The following CABIN1 variants were observed in gnomAD, a reference collection of about 807,000 sequenced individuals.
The protein encoded by CABIN1 is calcineurin-binding protein cabin-1.
CABIN1 carries 133 observed loss-of-function variants against 227.7 expected under a neutral mutation model. The ratio of observed to expected loss-of-function variants is 0.58; its 90% confidence interval spans 0.51 to 0.67. The LOEUF (loss-of-function observed/expected upper bound fraction) is 0.67, where lower values mean the gene tolerates loss of function less well. CABIN1 is among the 30% of genes least tolerant of loss of function. The probability of loss-of-function intolerance (pLI) is 0.00; values close to 1 mark genes in which losing one functional copy is unlikely to be tolerated. For missense variants in CABIN1, 2,408 were observed against 2,852.5 expected (o/e 0.84, Z 3.55); for synonymous variants, 1,086 against 1,155.1 (o/e 0.94, Z 1.21).
intron 6 of CABIN1, among the ~76,000 whole-genome samples, chr22:24,044,211 C>T (rs1210285842): frequency 2.6e-5 from 4 of 152,192 alleles, no homozygotes; most frequent in African/African-American, 9.7e-5. Flanking sequence ...TAGCCCTAGC[C>T]TCTTGGTCTG....
In CABIN1 at chr22:24,043,548, T is replaced by C. The variant is rs182158267; in HGVS notation, c.526+464T>C. On this transcript the variant is annotated intron_variant, in intron 6 of 36. Coordinates refer to ENST00000263119, the MANE Select transcript of CABIN1 (RefSeq NM_012295.4). ...AGGCAGATCACTTGAGCCCAGGAGTTTGAGACCAGCCTGGGCAACATGGTG... is the reference window on the plus strand; with the variant it reads ...AGGCAGATCACTTGAGCCCAGGAGTCTGAGACCAGCCTGGGCAACATGGTG... Among the ~76,000 whole-genome samples, 257 of 152,142 alleles carry C rather than the reference T, an allele frequency of 1.7e-3. 1 individual carries two copies. Among genetic ancestry groups the C allele is most frequent in the Middle Eastern group, 3.4e-3 (1 of 294 alleles).
At chr22:24,028,492 G>A (rs562666181) in intron 1 of CABIN1, among the ~76,000 whole-genome samples, 1 of 152,322 alleles carries the variant, frequency 6.6e-6, no homozygotes, top group East Asian at 1.9e-4. Flanking sequence ...TCCTTCAAAG[G>A]TCATCCTGTG....
rs779525802 is a variant in CABIN1 at position 24,143,940 on chromosome 22, C to T, written c.4746+9525C>T. Among the ~76,000 whole-genome samples, 6 of 152,310 alleles carry T rather than the reference C, an allele frequency of 3.9e-5. No individual in the cohort carries two copies. The South Asian group carries it at 1.2e-3, about 32-fold the overall frequency. Reference sequence around the variant, plus strand: ...AAAGGGGCTCAGGTCAGTGCCACTCCCCAACTGGTTGGCTGCTCTGGGTGC... The same window carrying T: ...AAAGGGGCTCAGGTCAGTGCCACTCTCCAACTGGTTGGCTGCTCTGGGTGC... On this transcript the variant is annotated intron_variant, in intron 29 of 36. Transcript: ENST00000263119.
chr22:24,124,174 A>G (rs2043582373), intron 28 of CABIN1, among the ~76,000 whole-genome samples: 1 of 152,218 alleles, frequency 6.6e-6, no homozygotes, highest in African/African-American at 2.4e-5. Context: ...TCTTTCCTCG[A>G]TGAGAATGAT....
At chr22:24,032,651 A>G (rs775807773) in intron 1 of CABIN1, among the ~76,000 whole-genome samples, 1 of 151,982 alleles carries the variant, frequency 6.6e-6, no homozygotes, top group Non-Finnish European at 1.5e-5. Context: ...AATACTTGTT[A>G]TTTTCTGGCT....
At chr22:24,138,456 G>A (rs1466465323) in intron 29 of CABIN1, among the ~76,000 whole-genome samples, 1 of 152,172 alleles carries the variant, frequency 6.6e-6, no homozygotes, top group Non-Finnish European at 1.5e-5. Context: ...GATCCCACAG[G>A]TTGAGGGCTT....
intron 12 of CABIN1, among the ~76,000 whole-genome samples, chr22:24,060,710 C>T (rs1482779156): frequency 6.6e-6 from 1 of 151,920 alleles, no homozygotes; most frequent in Non-Finnish European, 1.5e-5. Context: ...CTCCTGGGCT[C>T]GGGTAGTCCT....
intron 29 of CABIN1, among the ~76,000 whole-genome samples, chr22:24,161,891 C>T (rs575453407): frequency 6.6e-6 from 1 of 152,352 alleles, no homozygotes; most frequent in Non-Finnish European, 1.5e-5. Flanking sequence ...AGGAGACCCT[C>T]CTCAGCACCT....
rs2046967918 is a variant in CABIN1, at chr22:24,173,878, A to T, written c.6040+1883A>T. ...GTTCTACCAGCATGTGACCTTGGCC[A>T]TCCCTTTTCTTCTTTCTGCCTCAGT... On this transcript the variant is annotated intron_variant, in intron 34 of 36. Coordinates refer to ENST00000263119, the MANE Select transcript of CABIN1 (RefSeq NM_012295.4). 1.3e-5 allele frequency among the ~76,000 whole-genome samples: 2 copies of T among 151,952 alleles called. 1 individual carries two copies. The highest frequency in any genetic ancestry group is 4.1e-4 in the South Asian group (2 of 4,826).
At chr22:24,178,004 G>A (rs1186905701) in intron 36 of CABIN1, 49 bp from the exon 37 acceptor site, 2 of 1,610,162 alleles carry the variant, frequency 1.2e-6, no homozygotes, top group African/African-American at 1.3e-5. Context: ...GGGGCTTGGG[G>A]CAGAGCCCAG....
At position 24,076,181 on chromosome 22, in the gene CABIN1, C is replaced by A. The variant is rs41310246; in HGVS notation, c.2645C>A (p.Thr882Lys). 1 of 1,614,022 alleles carries A rather than the reference C, an allele frequency of 6.2e-7. No individual in the cohort carries two copies. Among genetic ancestry groups the A allele is most frequent in the Non-Finnish European group, 8.5e-7 (1 of 1,179,868 alleles). Residue 882 changes from threonine (T) to lysine (K), a missense_variant, in exon 19 of 37, where the codon ACG (threonine) becomes AAG (lysine). By Grantham distance (78) the Thr-to-Lys change is moderately conservative. Transcript: ENST00000263119. Reference protein sequence around the residue: ...QNPAEEGMSETPMLPSSLMLL... With the variant: ...QNPAEEGMSEKPMLPSSLMLL... ...GGGCTTTCCCTAGGGATGTCAGAGACGCCCATGCTCCCATCCTCCCTCATG... is the reference window on the plus strand; with the variant it reads ...GGGCTTTCCCTAGGGATGTCAGAGAAGCCCATGCTCCCATCCTCCCTCATG...
At chr22:24,029,463 G>T (rs1352697324) in intron 1 of CABIN1, among the ~76,000 whole-genome samples, 3 of 152,132 alleles carry the variant, frequency 2.0e-5, no homozygotes, top group Non-Finnish European at 4.4e-5. Context: ...GAGATGGGAA[G>T]ATTGCCTGAG....
chr22:24,032,360 T>C (rs1221397350), intron 1 of CABIN1, among the ~76,000 whole-genome samples: 3 of 152,268 alleles, frequency 2.0e-5, no homozygotes, highest in Non-Finnish European at 4.4e-5. Context: ...GTTGTATGTA[T>C]ACACCACATT....
rs746555282 is a variant in CABIN1, at chr22:24,113,605, C to G, written c.4157C>G (p.Ser1386Cys). 1.2e-6 allele frequency: 2 copies of G among 1,614,198 alleles called. No individual in the cohort carries two copies. The highest frequency in any genetic ancestry group is 1.7e-6 in the Non-Finnish European group (2 of 1,180,044). The change falls in exon 27 of 37, where the codon TCT becomes TGT. Residue 1386 changes from serine (S) to cysteine (C), a missense_variant. Physicochemically the swap from Ser to Cys is moderately radical, Grantham distance 112. Coordinates refer to ENST00000263119, the MANE Select transcript of CABIN1 (RefSeq NM_012295.4). ...AGCACAGCCGTAGCACTCTCAGACT[C>G]TAGCTCAACGCAGGACTTCTTTAAT... ...QDSTAVALSD[S>C]SSTQDFFNEP...
intron 10 of CABIN1, among the ~76,000 whole-genome samples, chr22:24,058,727 A>G (rs777626950): frequency 8.5e-5 from 13 of 152,146 alleles, no homozygotes; most frequent in Non-Finnish European, 1.8e-4. Context: ...GCATCTTTGT[A>G]TTGCAAGCCC....
chr22:24,152,945 A>AG (rs1394274557), intron 29 of CABIN1, among the ~76,000 whole-genome samples: 3 of 149,856 alleles, frequency 2.0e-5, no homozygotes, highest in Admixed American at 2.0e-4. Flanking sequence ...GCAGAGAAAA[A>AG]AAAAGAAAGG....
intron 20 of CABIN1, 90 bp from the exon 21 acceptor site, chr22:24,084,489 G>C (rs2147072506): frequency 9.7e-7 from 1 of 1,035,252 alleles, no homozygotes; most frequent in East Asian, 2.4e-5. Flanking sequence ...CATTTACATT[G>C]GACAAAGTGC....
chr22:24,038,780 G>T (rs1008697949), intron 4 of CABIN1, among the ~76,000 whole-genome samples: 1 of 152,228 alleles, frequency 6.6e-6, no homozygotes, highest in Admixed American at 6.5e-5. Flanking sequence ...CTGAGGCTTA[G>T]TGAGGTCTTG....
chr22:24,084,919 G>C, intron 21 of CABIN1, 87 bp from the exon 22 acceptor site: 3 of 1,576,474 alleles, frequency 1.9e-6, no homozygotes, highest in Non-Finnish European at 1.7e-6. Context: ...TGGAGAGTCT[G>C]TCCTGTGACT....
Sources: allele counts gnomAD v4.1 joint callset (sites outside exome capture counted in the v4.1 genomes callset), GRCh38; gene constraint gnomAD v4.1.1; transcripts MANE v1.5; gene names NCBI Gene and HGNC (gene_info 2026-07-23, HGNC 2026-07-21).